Variants in SPEF2 observed in about 807,000 individuals in gnomAD.
SPEF2 encodes sperm flagella and cilia-associated protein 2.
A neutral mutation model predicts 224.6 loss-of-function variants in SPEF2; 187 were observed. That is an observed-to-expected ratio of 0.83 (90% confidence interval 0.74 to 0.94). SPEF2 has a LOEUF of 0.94. Ranked by LOEUF, SPEF2 falls within the 40% of genes least tolerant of loss-of-function variation. SPEF2 has a pLI of 0.00. For synonymous variants in SPEF2, 715 were observed against 707.3 expected (o/e 1.01, Z -0.17); for missense variants, 2,170 against 2,135.6 (o/e 1.02, Z -0.32).
rs757996222 is a variant in SPEF2 at position 35,773,886 on chromosome 5, C to T, written c.3950-7C>T. ...AGTTTACTCAGCATGTTTCATTGCC[C>T]TTTCAGGTAAATCACCACCTATGGC... On this transcript the variant is annotated splice_polypyrimidine_tract_variant and splice_region_variant and intron_variant, in intron 27 of 36. Transcript: ENST00000356031. 5.0e-6 allele frequency: 8 copies of T among 1,610,020 alleles called. No homozygotes were observed. The highest frequency in any genetic ancestry group is 1.7e-5 in the Admixed American group (1 of 59,342).
At chr5:35,744,260 T>G (rs1187158066) in intron 23 of SPEF2, among the ~76,000 whole-genome samples, 1 of 152,232 alleles carries the variant, frequency 6.6e-6, no homozygotes, top group African/African-American at 2.4e-5. Flanking sequence ...CTGCATGATC[T>G]TCTCAATTAA....
At chr5:35,647,515 A>G (rs930100593) in intron 5 of SPEF2, among the ~76,000 whole-genome samples, 7 of 152,258 alleles carry the variant, frequency 4.6e-5, no homozygotes, top group African/African-American at 1.7e-4. Flanking sequence ...TAACAGAGTA[A>G]GAACTCACTT....
chr5:35,754,479 G>A (rs984907305), intron 24 of SPEF2, among the ~76,000 whole-genome samples: 1 of 152,258 alleles, frequency 6.6e-6, no homozygotes, highest in East Asian at 1.9e-4. Flanking sequence ...CATCACAGGA[G>A]GTAGTTTTAG....
chr5:35,770,961 G>A (rs1752753895), intron 26 of SPEF2, among the ~76,000 whole-genome samples: 1 of 152,032 alleles, frequency 6.6e-6, no homozygotes, highest in Non-Finnish European at 1.5e-5. Flanking sequence ...GTCTTTTGGG[G>A]GTGATATTTA....
chr5:35,644,517 A>G lies in SPEF2; in HGVS notation c.577A>G (p.Ile193Val). Residue 193 changes from isoleucine to valine, a missense_variant, in exon 4 of 37, where the codon ATT becomes GTT. Coordinates refer to ENST00000356031, the MANE Select transcript of SPEF2 (RefSeq NM_024867.4). ...KLKEEQRCFD[I>V]EKQYLNRRRQ... ...CAAGGAAGAGCAAAGATGTTTTGAT[A>G]TTGAAAAGGTTCTATAGAACTATTT... 1 of 1,599,068 alleles carries G rather than the reference A, an allele frequency of 6.3e-7. No individual in the cohort carries two copies.
At chr5:35,658,972 G>A (rs370907793) in intron 7 of SPEF2, 47 bp from the exon 8 acceptor site, 13 of 1,434,504 alleles carry the variant, frequency 9.1e-6, no homozygotes, top group East Asian at 2.5e-5. Flanking sequence ...TAGCTCAGCG[G>A]GAAATTTGGA....
rs541450060 is a variant in SPEF2, at chr5:35,662,502, C to T, written c.1167+3295C>T. On this transcript the variant is annotated intron_variant, in intron 8 of 36. Transcript: ENST00000356031. ...GCATCTTCATCATGAAATCTTTGCC[C>T]GTGCTTATGTCCTGAATGGCATTAC... is the stretch of plus-strand genomic sequence containing the variant. Among the ~76,000 whole-genome samples the T allele has an allele frequency of 5.9e-5, 9 of 152,214 alleles. No individual in the cohort carries two copies. The East Asian group carries it at 1.3e-3, about 23-fold the overall frequency.
At chr5:35,706,057 A>AAAC (rs145680163) in intron 18 of SPEF2, among the ~76,000 whole-genome samples, 39 of 150,568 alleles carry the variant, frequency 2.6e-4, no homozygotes, top group Admixed American at 1.5e-3. Flanking sequence ...CATAAAAAAA[A>AAAC]AACAAGAAAA....
intron 7 of SPEF2, among the ~76,000 whole-genome samples, chr5:35,656,062 A>G (rs1350070721): frequency 1.3e-5 from 2 of 152,172 alleles, no homozygotes; most frequent in Non-Finnish European, 2.9e-5. Context: ...TCATTAAACA[A>G]GGGAAAGTGA....
chr5:35,621,769 AAAT>A (rs1435890669), intron 1 of SPEF2, among the ~76,000 whole-genome samples: 1 of 152,182 alleles, frequency 6.6e-6, no homozygotes, highest in Non-Finnish European at 1.5e-5. Context: ...TTATGGGGCT[AAAT>A]AATGGTTCAG....
chr5:35,751,069 A>ATATACATACG (rs1749502250), intron 23 of SPEF2, among the ~76,000 whole-genome samples: 1 of 47,358 alleles, frequency 2.1e-5, no homozygotes, highest in African/African-American at 7.3e-5. Context: ...ATATATATGT[A>ATATACATACG]TATATATATA....
chr5:35,738,458 T>C (rs1747027510), intron 21 of SPEF2, among the ~76,000 whole-genome samples: 2 of 151,754 alleles, frequency 1.3e-5, no homozygotes, highest in South Asian at 4.2e-4. Context: ...CAGCACCATT[T>C]ATTAAATAGG....
chr5:35,667,406 A>G, intron 9 of SPEF2, 147 bp downstream of exon 9: 2 of 649,788 alleles, frequency 3.1e-6, no homozygotes, highest in South Asian at 6.7e-5. Flanking sequence ...GACCTTGATT[A>G]CTGACTTGAT....
intron 10 of SPEF2, chr5:35,671,459 C>G: frequency 1.0e-6 from 1 of 979,048 alleles, no homozygotes; most frequent in Non-Finnish European, 1.2e-6. Flanking sequence ...GTAAAATATA[C>G]TAGACCTATT....
At chr5:35,654,207 C>G (rs1748629368) in intron 6 of SPEF2, among the ~76,000 whole-genome samples, 1 of 151,532 alleles carries the variant, frequency 6.6e-6, no homozygotes, top group South Asian at 2.1e-4. Flanking sequence ...TTGCAGTGAG[C>G]CAAGATGCGC....
rs1758113240 is a variant in SPEF2 at position 35,806,751 on chromosome 5, T to C, written c.5055T>C (p.Pro1685=). Residue 1685 remains proline (P), a synonymous_variant, in exon 35 of 37, where the codon CCT becomes CCC. Transcript: ENST00000356031. ...GTCCAGCTGAGGAATTTCCTGAACC[T>C]GAGGAAAATGCTGCAAGAGAAGAAA... ...DAGPAEEFPE[P]EENAAREERK... is the part of the protein sequence containing the mutation. The C allele has an allele frequency of 1.9e-6, 3 of 1,613,714 alleles. No individual in the cohort carries two copies. The highest frequency in any genetic ancestry group is 2.5e-6 in the Non-Finnish European group (3 of 1,179,934).
intron 26 of SPEF2, among the ~76,000 whole-genome samples, chr5:35,766,976 T>A (rs1315386573): frequency 6.6e-6 from 1 of 151,944 alleles, no homozygotes; most frequent in African/African-American, 2.4e-5. Context: ...TTTTGAAGTG[T>A]TACATGTGTA....
rs1471057799 is a variant in SPEF2, at chr5:35,657,491, G to A, written c.979-1528G>A. Among the ~76,000 whole-genome samples, 6 of 151,992 alleles carry A rather than the reference G, an allele frequency of 3.9e-5. No homozygotes were observed. The South Asian group carries it at 1.2e-3, about 32-fold the overall frequency. ...TGTCACTGGGTATGGAATGGAATCG[G>A]GGGGGTGGTTTAAAAACATACCTAG... On this transcript the variant is annotated intron_variant, in intron 7 of 36. Coordinates refer to ENST00000356031, the MANE Select transcript of SPEF2 (RefSeq NM_024867.4).
chr5:35,702,083 A>C, intron 16 of SPEF2: 1 of 436,212 alleles, frequency 2.3e-6, no homozygotes, highest in South Asian at 1.6e-5. Flanking sequence ...AAAGCCTGGG[A>C]GAGTAGTGTC....
Sources: allele counts gnomAD v4.1 joint callset (sites outside exome capture counted in the v4.1 genomes callset), GRCh38; gene constraint gnomAD v4.1.1; transcripts MANE v1.5; gene names NCBI Gene and HGNC (gene_info 2026-07-23, HGNC 2026-07-21).